The following LEPR variants were observed in gnomAD, a reference collection of about 807,000 sequenced individuals.
The protein encoded by LEPR is OB receptor.
Under a neutral mutation model 114.7 loss-of-function variants are expected in LEPR, and 56 were observed. The ratio of observed to expected loss-of-function variants is 0.49; its 90% CI spans 0.39 to 0.61. The LOEUF is 0.61. Ranked by LOEUF, LEPR falls within the 20% of genes least tolerant of loss-of-function variation. The pLI is 0.00. For missense variants in LEPR, 1,202 were observed against 1,352.9 expected (o/e 0.89, Z 1.75); for synonymous variants, 443 against 461.4 (o/e 0.96, Z 0.51).
At chr1:65,456,309 C>G (rs1646875584) in intron 2 of LEPR, among the ~76,000 whole-genome samples, 1 of 152,010 alleles carries the variant, frequency 6.6e-6, no homozygotes, top group African/African-American at 2.4e-5. Context: ...GCTCCTCCCC[C>G]CATAGATGTT....
chr1:65,427,738 A>G (rs1314956569), intron 2 of LEPR: 2 of 378,306 alleles, frequency 5.3e-6, no homozygotes, highest in East Asian at 7.8e-5. Context: ...TGCTACTACA[A>G]ATAAGTTTGT....
chr1:65,548,619 T>G (rs1490640737), intron 2 of LEPR, among the ~76,000 whole-genome samples: 2 of 152,334 alleles, frequency 1.3e-5, no homozygotes, highest in Non-Finnish European at 2.9e-5. Flanking sequence ...TATCAGAGAC[T>G]AGGATTGCAA....
intron 2 of LEPR, among the ~76,000 whole-genome samples, chr1:65,460,825 G>C (rs1347430445): frequency 6.6e-6 from 1 of 152,034 alleles, no homozygotes; most frequent in Non-Finnish European, 1.5e-5. Flanking sequence ...CTGGGTGACA[G>C]AGTGACACTC....
At chr1:65,593,658 A>G (rs1047137472) in intron 6 of LEPR, among the ~76,000 whole-genome samples, 1 of 151,988 alleles carries the variant, frequency 6.6e-6, no homozygotes, top group Non-Finnish European at 1.5e-5. Context: ...CATACAACTC[A>G]AGCTTTACTT....
Position 65,488,226 on chromosome 1 carries a change from C to CTT in LEPR, c.-21+62849_-21+62850insTT, listed in dbSNP as rs1165679914. 5.6e-4 allele frequency among the ~76,000 whole-genome samples: 38 copies of CTT among 67,954 alleles called. 1 individual carries two copies. Among genetic ancestry groups the CTT allele is most frequent in the African/African-American group, 2.5e-3 (29 of 11,450 alleles). 44.6% of individuals were successfully genotyped at this position (67,954 alleles called of 152,430 possible). A position where few individuals can be genotyped will look rare whatever the true frequency, so the allele number is the denominator to read the frequency against. On this transcript the variant is annotated intron_variant, in intron 2 of 19. Transcript: ENST00000349533. ...TTTCTTTCTTTCTCTCTCTCTCTCT[C>CTT]TCTTTCTTTCTTTCTTTCTTTCTTT...
rs189589753 is a variant in LEPR at position 65,484,401 on chromosome 1, A to T, written c.-21+59023A>T. Among the ~76,000 whole-genome samples the T allele has an allele frequency of 5.0e-3, 765 of 151,610 alleles. 6 individuals are homozygous for T. The highest frequency in any genetic ancestry group is 0.017 in the African/African-American group (722 of 41,392). Reference sequence around the variant, plus strand: ...ACATGCCTCCCACACTTTTTTTTTTAAAAAAGAGTTCGTTTATCACACACT... The same window carrying T: ...ACATGCCTCCCACACTTTTTTTTTTTAAAAAGAGTTCGTTTATCACACACT... On this transcript the variant is annotated intron_variant, in intron 2 of 19. Coordinates refer to ENST00000349533, the MANE Select transcript of LEPR (RefSeq NM_002303.6).
At chr1:65,566,695 G>A (rs1274519455) in intron 3 of LEPR, among the ~76,000 whole-genome samples, 1 of 152,174 alleles carries the variant, frequency 6.6e-6, no homozygotes, top group African/African-American at 2.4e-5. Context: ...CAAAACTTAT[G>A]TTGTGGCAAC....
intron 2 of LEPR, among the ~76,000 whole-genome samples, chr1:65,517,360 G>A (rs917556251): frequency 6.6e-6 from 1 of 152,222 alleles, no homozygotes; most frequent in Non-Finnish European, 1.5e-5. Context: ...ATATGTTTAA[G>A]TGATAATCTG....
intron 16 of LEPR, 33 bp downstream of exon 16, chr1:65,618,179 AT>A: frequency 6.4e-7 from 1 of 1,565,028 alleles, no homozygotes; most frequent in Non-Finnish European, 8.7e-7. Context: ...AGTTGCTCTC[AT>A]GGATTAATAT....
intron 3 of LEPR, 106 bp downstream of exon 3, chr1:65,565,711 G>C: frequency 7.2e-7 from 1 of 1,379,836 alleles, no homozygotes; most frequent in Non-Finnish European, 1.0e-6. Context: ...CCTATTTCTA[G>C]TTAGGAATTC....
At chr1:65,420,652 C>G (rs1353553344), upstream of LEPR, 2 of 1,535,790 alleles carry the variant, frequency 1.3e-6, no homozygotes, top group African/African-American at 2.8e-5. Flanking sequence ...GGGGCGACTC[C>G]CGGTCTGGCT....
intron 2 of LEPR, among the ~76,000 whole-genome samples, chr1:65,444,744 A>G (rs1646692752): frequency 6.6e-6 from 1 of 152,138 alleles, no homozygotes; most frequent in Non-Finnish European, 1.5e-5. Flanking sequence ...ATTATTAAAT[A>G]TTTTGAATTC....
chr1:65,630,431 A>AG (rs1658468266), intron 19 of LEPR: 1 of 152,290 alleles, frequency 6.6e-6, no homozygotes, highest in African/African-American at 2.4e-5. Context: ...AAGAAAGAAA[A>AG]AAAAATTCTC....
At chr1:65,494,102 C>G (rs1648023042) in intron 2 of LEPR, 1 of 152,074 alleles carries the variant, frequency 6.6e-6, no homozygotes, top group African/African-American at 2.4e-5. Context: ...AAGAAGGCAG[C>G]AAGCCAGGAA....
At chr1:65,598,949 C>T in intron 8 of LEPR, 145 bp downstream of exon 8, 1 of 1,207,916 alleles carries the variant, frequency 8.3e-7, no homozygotes, top group Non-Finnish European at 1.2e-6. Flanking sequence ...TTTGAACAGG[C>T]CAATTTGTGA....
intron 2 of LEPR, among the ~76,000 whole-genome samples, chr1:65,528,742 A>G (rs1650152530): frequency 6.6e-6 from 1 of 152,100 alleles, no homozygotes; most frequent in African/African-American, 2.4e-5. Flanking sequence ...AAATATCCCA[A>G]AACTTCTTGT....
chr1:65,511,700 A>G (rs1015209707), intron 2 of LEPR, among the ~76,000 whole-genome samples: 13 of 152,174 alleles, frequency 8.5e-5, no homozygotes, highest in African/African-American at 3.1e-4. Context: ...TGTTCAGAAA[A>G]GAGAGGACTA....
chr1:65,611,589 C>T (rs1657172557), intron 14 of LEPR, among the ~76,000 whole-genome samples: 1 of 152,168 alleles, frequency 6.6e-6, no homozygotes, highest in Non-Finnish European at 1.5e-5. Flanking sequence ...GAGCTGTAGT[C>T]AACAGCCCTT....
chr1:65,597,124 T>C (rs959858185), intron 7 of LEPR, among the ~76,000 whole-genome samples: 72 of 152,224 alleles, frequency 4.7e-4, no homozygotes, highest in South Asian at 4.1e-4. Context: ...GCAAGAATTC[T>C]GTTAGGTCAG....
Sources: allele counts gnomAD v4.1 joint callset (sites outside exome capture counted in the v4.1 genomes callset), GRCh38; gene constraint gnomAD v4.1.1; transcripts MANE v1.5; gene names NCBI Gene and HGNC (gene_info 2026-07-23, HGNC 2026-07-21).